Variants in SNX30 observed in about 807,000 individuals in gnomAD.
SNX30 encodes sorting nexin-30.
SNX30 carries 24 observed loss-of-function variants against 46.4 expected under a neutral mutation model. That is an observed-to-expected ratio of 0.52 (90% CI 0.37 to 0.73). The LOEUF (loss-of-function observed/expected upper bound fraction) is 0.73. Among genes scored for constraint, SNX30 ranks in the 30% least tolerant of loss-of-function variants. The pLI, the probability that SNX30 is intolerant of heterozygous loss-of-function variation, is 0.00. For missense variants in SNX30, 533 were observed against 555.7 expected (o/e 0.96, Z 0.41); for synonymous variants, 189 against 211.5 (o/e 0.89, Z 0.92).
At chr9:112,759,970 T>G (rs996403647) in intron 1 of SNX30, among the ~76,000 whole-genome samples, 1 of 152,160 alleles carries the variant, frequency 6.6e-6, no homozygotes, top group Non-Finnish European at 1.5e-5. Flanking sequence ...TGTTGGTGGT[T>G]GTTATTCCTT....
At chr9:112,864,225 C>T in intron 7 of SNX30, 22 bp from the exon 8 acceptor site, 2 of 1,612,884 alleles carry the variant, frequency 1.2e-6, no homozygotes, top group Middle Eastern at 1.8e-4. Flanking sequence ...GCAGGGCACC[C>T]ATGTGTGCCT....
Position 112,822,203 on chromosome 9 carries a change from C to T in SNX30, c.459+4388C>T, listed in dbSNP as rs181961221. Among the ~76,000 whole-genome samples, 16 of 152,186 alleles carry T rather than the reference C, an allele frequency of 1.1e-4. No individual in the cohort carries two copies. The East Asian group carries it at 1.2e-3, about 11-fold the overall frequency. On this transcript the variant is annotated intron_variant, in intron 3 of 8. Coordinates refer to ENST00000374232, the MANE Select transcript of SNX30 (RefSeq NM_001012994.2). ...TGCTGGGATTACAGGCATGAGCCACCGCGCCTGGCCAAGAGTAACCATATG... is the reference window on the plus strand; with the variant it reads ...TGCTGGGATTACAGGCATGAGCCACTGCGCCTGGCCAAGAGTAACCATATG...
At chr9:112,846,202 CAG>C (rs1376380339) in intron 6 of SNX30, among the ~76,000 whole-genome samples, 1 of 151,942 alleles carries the variant, frequency 6.6e-6, no homozygotes, top group Non-Finnish European at 1.5e-5. Flanking sequence ...GGCAGAGAAA[CAG>C]AGAAATGGGA....
At position 112,869,535 on chromosome 9, in the gene SNX30, G is replaced by A. The variant is rs1021688079; in HGVS notation, c.*692G>A. The A allele has an allele frequency of 1.3e-5, 2 of 152,052 alleles. No individual in the cohort carries two copies. Among genetic ancestry groups the A allele is most frequent in the African/African-American group, 4.8e-5 (2 of 41,380 alleles). 9.4% of individuals were successfully genotyped at this position (152,052 alleles called of 1,614,324 possible). ...TGCAATGCCTTTGGGAAGCTCAGGG[G>A]AATGCTCCCCAAGCTTGTTTCTGAC... On this transcript the variant is annotated 3_prime_UTR_variant, in exon 9 of 9. Transcript: ENST00000374232.
At chr9:112,794,832 G>A (rs1389120287) in intron 1 of SNX30, among the ~76,000 whole-genome samples, 1 of 152,096 alleles carries the variant, frequency 6.6e-6, no homozygotes, top group East Asian at 1.9e-4. Context: ...TTGAACCAGA[G>A]GAGTTTGTAA....
intron 1 of SNX30, among the ~76,000 whole-genome samples, chr9:112,764,409 C>T (rs1176005718): frequency 6.6e-6 from 1 of 152,044 alleles, no homozygotes; most frequent in Admixed American, 6.6e-5. Flanking sequence ...GAGATGGGGT[C>T]TCACTCTTTT....
intron 5 of SNX30, among the ~76,000 whole-genome samples, chr9:112,836,873 G>A (rs1004305787): frequency 8.5e-5 from 13 of 152,084 alleles, no homozygotes; most frequent in Non-Finnish European, 1.3e-4. Flanking sequence ...CCACCCCACC[G>A]TGGTTCATTT....
intron 6 of SNX30, among the ~76,000 whole-genome samples, chr9:112,841,039 G>T (rs1030203433): frequency 2.6e-5 from 4 of 152,228 alleles, no homozygotes; most frequent in Non-Finnish European, 5.9e-5. Context: ...TGGGATTACA[G>T]GCGTGAGCCA....
intron 1 of SNX30, among the ~76,000 whole-genome samples, chr9:112,793,527 G>A (rs1840059497): frequency 6.6e-6 from 1 of 152,160 alleles, no homozygotes; most frequent in South Asian, 2.1e-4. Flanking sequence ...AACCTTCCAT[G>A]TCCTCTACTC....
At chr9:112,859,857 G>A (rs1476422460) in intron 7 of SNX30, among the ~76,000 whole-genome samples, 2 of 152,048 alleles carry the variant, frequency 1.3e-5, no homozygotes, top group Non-Finnish European at 2.9e-5. Flanking sequence ...TGATGAGTGT[G>A]AGGTGCTATC....
At chr9:112,854,137 G>A (rs541899744) in intron 7 of SNX30, among the ~76,000 whole-genome samples, 1 of 152,318 alleles carries the variant, frequency 6.6e-6, no homozygotes, top group South Asian at 2.1e-4. Context: ...CCTTTCCAAA[G>A]CCAGGAGCTG....
At chr9:112,775,960 A>G (rs761432566) in intron 1 of SNX30, among the ~76,000 whole-genome samples, 1 of 152,082 alleles carries the variant, frequency 6.6e-6, no homozygotes, top group African/African-American at 2.4e-5. Flanking sequence ...CATTGTTTCA[A>G]TTAGTTCAGC....
At chr9:112,754,039 G>C (rs964583989) in intron 1 of SNX30, among the ~76,000 whole-genome samples, 2 of 152,198 alleles carry the variant, frequency 1.3e-5, no homozygotes, top group African/African-American at 4.8e-5. Flanking sequence ...GTTTTGTCTT[G>C]TTAGATACTG....
chr9:112,849,959 A>G (rs1470551835), intron 6 of SNX30, among the ~76,000 whole-genome samples: 1 of 152,178 alleles, frequency 6.6e-6, no homozygotes, highest in African/African-American at 2.4e-5. Context: ...TGAAACAGAC[A>G]CCTTTCTAGA....
rs116165279 is a variant in SNX30 at position 112,850,299 on chromosome 9, A to G, written c.1015-560A>G. 6.4e-3 allele frequency among the ~76,000 whole-genome samples: 973 copies of G among 152,336 alleles called. 17 individuals are homozygous for G. Among genetic ancestry groups the G allele is most frequent in the African/African-American group, 0.022 (921 of 41,574 alleles). On this transcript the variant is annotated intron_variant, in intron 6 of 8. Coordinates refer to ENST00000374232, the MANE Select transcript of SNX30 (RefSeq NM_001012994.2). ...CGCATACTGTGTCTGAGCCTCTGTC[A>G]CACTGAACCTCTCAGGTAGGGAGTG...
intron 1 of SNX30, among the ~76,000 whole-genome samples, chr9:112,771,468 G>A (rs1055263789): frequency 3.3e-5 from 5 of 152,158 alleles, no homozygotes; most frequent in South Asian, 2.1e-4. Flanking sequence ...TGTATAAATC[G>A]TGTATAGTCT....
chr9:112,807,840 G>A (rs774870743), intron 2 of SNX30, among the ~76,000 whole-genome samples: 1 of 152,158 alleles, frequency 6.6e-6, no homozygotes, highest in African/African-American at 2.4e-5. Context: ...TTCCCTCTGT[G>A]TTCTTATTTC....
chr9:112,824,520 A>G (rs1199751401), intron 3 of SNX30, among the ~76,000 whole-genome samples: 1 of 149,154 alleles, frequency 6.7e-6, no homozygotes, highest in Non-Finnish European at 1.5e-5. Context: ...CCTCACCCCT[A>G]CACCCAGGTG....
intron 1 of SNX30, among the ~76,000 whole-genome samples, chr9:112,751,624 CT>C: frequency 6.6e-6 from 1 of 152,226 alleles, no homozygotes; most frequent in South Asian, 2.1e-4. Context: ...CTTCTTCCCC[CT>C]AGTCAGTCAT....
Sources: gnomAD v4.1 joint callset for allele counts (sites outside exome capture counted in the v4.1 genomes callset) on GRCh38, gnomAD v4.1.1 for gene constraint, MANE v1.5 for transcripts, NCBI Gene and HGNC (gene_info 2026-07-23, HGNC 2026-07-21) for gene names.